TMEM165: variants seen among roughly 807,000 people sequenced by gnomAD.
The protein encoded by TMEM165 is transmembrane protein 165, also known as putative divalent cation/proton antiporter TMEM165.
A neutral mutation model predicts 30.0 loss-of-function variants in TMEM165; 19 were observed. The observed-to-expected ratio is 0.63, with a 90% CI of 0.44 to 0.93. TMEM165 has a LOEUF of 0.93. Among genes scored for constraint, TMEM165 ranks in the 40% least tolerant of loss-of-function variants. The pLI is 0.00. For synonymous variants in TMEM165, 168 were observed against 162.9 expected (o/e 1.03, Z -0.24); for missense variants, 340 against 417.0 (o/e 0.82, Z 1.61).
At chr4:55,404,449 A>T (rs887506612) in intron 1 of TMEM165, among the ~76,000 whole-genome samples, 6 of 152,054 alleles carry the variant, frequency 3.9e-5, no homozygotes, top group African/African-American at 1.4e-4. Context: ...TTTTAAAGAT[A>T]GGGTCTTGCT....
At chr4:55,407,140 G>A (rs1473921085) in intron 1 of TMEM165, among the ~76,000 whole-genome samples, 2 of 152,160 alleles carry the variant, frequency 1.3e-5, no homozygotes, top group Non-Finnish European at 2.9e-5. Flanking sequence ...ATTAAGAGCT[G>A]GAGTTGCTGG....
At position 55,438,458 on chromosome 4, in the gene TMEM165, T is replaced by C; in HGVS notation, c.409-13781T>C. ...GCAGTCACCACCTGGCCCATAAGCA[T>C]AGTACTAGGTACCATGACTGCCCCA... On this transcript the variant is annotated intron_variant, in intron 3 of 3. Transcript: ENST00000608091. The C allele has an allele frequency of 1.2e-6, 2 of 1,613,914 alleles. No homozygotes were observed. Among genetic ancestry groups the C allele is most frequent in the Non-Finnish European group, 1.7e-6 (2 of 1,180,006 alleles).
At chr4:55,412,536 T>C (rs1721553716) in intron 2 of TMEM165, 1 of 152,084 alleles carries the variant, frequency 6.6e-6, no homozygotes, top group Non-Finnish European at 1.5e-5. Flanking sequence ...TTTTAACAGT[T>C]GGAAATTTAC....
intron 2 of TMEM165, among the ~76,000 whole-genome samples, chr4:55,414,965 A>T (rs181760313): frequency 6.6e-6 from 1 of 152,282 alleles, no homozygotes; most frequent in Admixed American, 6.5e-5. Flanking sequence ...AATTTTGGTG[A>T]CCCAGTCAAT....
rs1720913045 is a variant in TMEM165 at position 55,400,272 on chromosome 4, A to AATATAATATTATATATTATATATAATAT, written c.207+3877_207+3904dup. 4.9e-4 allele frequency among the ~76,000 whole-genome samples: 41 copies of AATATAATATTATATATTATATATAATAT among 83,176 alleles called. 1 individual carries two copies. The highest frequency in any genetic ancestry group is 3.0e-3 in the South Asian group (9 of 2,974). The allele number at this position is 83,176 out of a possible 152,430, so 54.6% of individuals were successfully genotyped here. On this transcript the variant is annotated intron_variant, in intron 1 of 5. Transcript: ENST00000381334. ...TATATTATATTAATATATAATATAT[A>AATATAATATTATATATTATATATAATAT]ATATAATATTATATATTATATATAA...
At chr4:55,448,965 T>C in intron 3 of TMEM165, 1 of 981,648 alleles carries the variant, frequency 1.0e-6, no homozygotes. Flanking sequence ...TTAATAAACT[T>C]ACCATTTGCC....
At chr4:55,410,959 AC>A (rs1446220115) in intron 1 of TMEM165, among the ~76,000 whole-genome samples, 7 of 151,872 alleles carry the variant, frequency 4.6e-5, no homozygotes, top group Admixed American at 1.3e-4. Flanking sequence ...ATGATGAGAA[AC>A]CCTGTCTTGA....
At chr4:55,446,100 TC>T (rs1273704686) in intron 3 of TMEM165, among the ~76,000 whole-genome samples, 3 of 95,264 alleles carry the variant, frequency 3.1e-5, no homozygotes, top group Non-Finnish European at 6.3e-5. Context: ...AAATTTAACT[TC>T]TTTTTTTTTT....
At chr4:55,418,151 C>G in intron 4 of TMEM165, 166 bp downstream of exon 4, 1 of 520,840 alleles carries the variant, frequency 1.9e-6, no homozygotes, top group South Asian at 4.5e-5. Context: ...TCTCCCAGTT[C>G]CTGCTACCTG....
Position 55,417,782 on chromosome 4 carries a change from TTTG to T in TMEM165, c.610-18_610-16del, listed in dbSNP as rs760321587. On this transcript the variant is annotated intron_variant, in intron 3 of 5. Coordinates refer to ENST00000381334, the MANE Select transcript of TMEM165 (RefSeq NM_018475.5). ...GATTTGCTTCCTGTGCTTACTTTCATTTGTTTATTATTTATTTTAGTTTCAACG... is the reference window on the plus strand; with the variant it reads ...GATTTGCTTCCTGTGCTTACTTTCATTTTATTATTTATTTTAGTTTCAACG... 33 of 1,561,746 alleles carry T rather than the reference TTTG, an allele frequency of 2.1e-5. No homozygotes were observed. The highest frequency in any genetic ancestry group is 2.8e-5 in the Non-Finnish European group (32 of 1,152,370).
intron 3 of TMEM165, among the ~76,000 whole-genome samples, chr4:55,436,821 C>G (rs1021703443): frequency 6.6e-6 from 1 of 150,972 alleles, no homozygotes; most frequent in African/African-American, 2.4e-5. Flanking sequence ...TATTTATTAC[C>G]TACATACAAG....
downstream of TMEM165, chr4:55,429,947 C>T (rs1346243828): frequency 6.6e-6 from 1 of 152,202 alleles, no homozygotes; most frequent in Admixed American, 6.5e-5. Flanking sequence ...GAGTTGGTGA[C>T]TGCACCCCAA....
intron 2 of TMEM165, among the ~76,000 whole-genome samples, chr4:55,413,705 T>G (rs1721606070): frequency 6.6e-6 from 1 of 152,230 alleles, no homozygotes; most frequent in Non-Finnish European, 1.5e-5. Context: ...GAAGAACACT[T>G]ATATAACTTT....
chr4:55,429,606 T>C (rs530434686), downstream of TMEM165: 5 of 152,324 alleles, frequency 3.3e-5, no homozygotes, highest in South Asian at 8.3e-4. Context: ...TTAATATGGA[T>C]ATGATAATGA....
chr4:55,427,344 C>CGTTTT (rs921824475), downstream of TMEM165, among the ~76,000 whole-genome samples: 1 of 116,226 alleles, frequency 8.6e-6, no homozygotes, highest in African/African-American at 3.4e-5. Context: ...CCTACTAATA[C>CGTTTT]GTTTTGTTTG....
At chr4:55,420,598 T>C (rs1020006273) in intron 4 of TMEM165, among the ~76,000 whole-genome samples, 5 of 152,152 alleles carry the variant, frequency 3.3e-5, no homozygotes, top group African/African-American at 1.2e-4. Flanking sequence ...CCATACTAAC[T>C]GCCCTGCGGG....
chr4:55,433,681 A>G (rs1722669358), intron 3 of TMEM165: 1 of 152,188 alleles, frequency 6.6e-6, no homozygotes, highest in African/African-American at 2.4e-5. Flanking sequence ...ATTTTCTACT[A>G]ATCCTCTTTT....
At chr4:55,402,023 C>A (rs1432740591) in intron 1 of TMEM165, among the ~76,000 whole-genome samples, 1 of 145,788 alleles carries the variant, frequency 6.9e-6, no homozygotes, top group Admixed American at 6.9e-5. Flanking sequence ...GAGGCTGAGG[C>A]AGGAGAATCG....
At chr4:55,417,375 G>T in intron 3 of TMEM165, 128 bp downstream of exon 3, 1 of 941,626 alleles carries the variant, frequency 1.1e-6, no homozygotes, top group Non-Finnish European at 1.5e-6. Context: ...CTTTTGCTTT[G>T]TTCTGTTCTT....
Sources: allele counts gnomAD v4.1 joint callset (sites outside exome capture counted in the v4.1 genomes callset), GRCh38; gene constraint gnomAD v4.1.1; transcripts MANE v1.5; gene names NCBI Gene and HGNC (gene_info 2026-07-23, HGNC 2026-07-21).